Variants in GALNT13 observed in about 807,000 individuals in gnomAD.
GALNT13 encodes UDP-GalNAc:polypeptide N-acetylgalactosaminyltransferase 13.
GALNT13 carries 28 observed loss-of-function variants against 64.2 expected under a neutral mutation model. The observed-to-expected ratio is 0.44, with a 90% CI of 0.32 to 0.60. The LOEUF is 0.60. Ranked by LOEUF, GALNT13 falls within the 20% of genes least tolerant of loss-of-function variation. The pLI is 0.05. For synonymous variants in GALNT13, 214 were observed against 224.6 expected, an observed-to-expected ratio of 0.95 and a Z score of 0.42; for missense variants, 577 against 669.8, an observed-to-expected ratio of 0.86 and a Z score of 1.53.
intron 3 of GALNT13, among the ~76,000 whole-genome samples, chr2:154,056,905 G>A (rs1699921545): frequency 6.6e-6 from 1 of 151,708 alleles, no homozygotes; most frequent in African/African-American, 2.4e-5. Context: ...TTTAGGTTGA[G>A]TTTCTTTGAC....
At chr2:153,894,582 G>A (rs1687771033) in intron 1 of GALNT13, among the ~76,000 whole-genome samples, 2 of 151,988 alleles carry the variant, frequency 1.3e-5, no homozygotes, top group East Asian at 3.9e-4. Flanking sequence ...GGGGTGACAG[G>A]GAGGGAGGAA....
chr2:153,217,294 A>T, the GALNT13 span, among the ~76,000 whole-genome samples: 2 of 152,030 alleles, frequency 1.3e-5, no homozygotes, highest in Non-Finnish European at 2.9e-5. Context: ...TTGAATTTAC[A>T]TATGCATTTA....
chr2:153,249,580 GC>G, the GALNT13 span, among the ~76,000 whole-genome samples: 20 of 152,098 alleles, frequency 1.3e-4, no homozygotes, highest in African/African-American at 4.6e-4. Flanking sequence ...ACAATGTTAA[GC>G]AAAAAGAACA....
chr2:153,949,952 G>T (rs2105399453), intron 3 of GALNT13, among the ~76,000 whole-genome samples: 1 of 152,090 alleles, frequency 6.6e-6, no homozygotes, highest in African/African-American at 2.4e-5. Context: ...ATGTCATGAA[G>T]TTTGGATTTA....
chr2:154,216,920 C>T (rs1033884690), intron 4 of GALNT13, among the ~76,000 whole-genome samples: 16 of 144,190 alleles, frequency 1.1e-4, no homozygotes, highest in African/African-American at 4.1e-4. Flanking sequence ...TCCCAGGTAA[C>T]TAGGACTGGA....
chr2:153,883,695 G>A (rs1242714395), intron 1 of GALNT13, among the ~76,000 whole-genome samples: 1 of 151,910 alleles, frequency 6.6e-6, no homozygotes, highest in Admixed American at 6.6e-5. Context: ...GGGACAAAAA[G>A]GGGACATTAT....
At chr2:153,290,047 A>C in the GALNT13 span, among the ~76,000 whole-genome samples, 1 of 152,072 alleles carries the variant, frequency 6.6e-6, no homozygotes, top group Non-Finnish European at 1.5e-5. Flanking sequence ...TAGCAAATTG[A>C]TTTCTTTTTA....
chr2:154,140,189 G>A (rs991976912), intron 3 of GALNT13, 148 bp from the exon 4 acceptor site: 2 of 566,748 alleles, frequency 3.5e-6, no homozygotes, highest in Non-Finnish European at 6.1e-6. Flanking sequence ...AGAGTGTGTG[G>A]TTTATAATCA....
the GALNT13 span, among the ~76,000 whole-genome samples, chr2:153,405,511 A>G: frequency 6.6e-6 from 1 of 152,206 alleles, no homozygotes; most frequent in Non-Finnish European, 1.5e-5. Context: ...AGGTATCCTC[A>G]GTTGTTAGCT....
intron 3 of GALNT13, among the ~76,000 whole-genome samples, chr2:154,058,474 C>T (rs1700012230): frequency 6.6e-6 from 1 of 152,070 alleles, no homozygotes; most frequent in South Asian, 2.1e-4. Context: ...ACTTGTGGAA[C>T]ACAGGAAAAG....
intron 4 of GALNT13, among the ~76,000 whole-genome samples, chr2:154,215,980 G>GA (rs1386134109): frequency 6.6e-6 from 1 of 151,496 alleles, no homozygotes; most frequent in Non-Finnish European, 1.5e-5. Flanking sequence ...ATATTTATAT[G>GA]AAAAAAGATT....
intron 3 of GALNT13, among the ~76,000 whole-genome samples, chr2:153,978,581 G>T (rs565551892): frequency 2.2e-4 from 34 of 152,202 alleles, no homozygotes; most frequent in African/African-American, 8.2e-4. Context: ...TTTATCAGGG[G>T]TTTCTGCTTT....
intron 4 of GALNT13, among the ~76,000 whole-genome samples, chr2:154,179,907 C>T (rs535026982): frequency 6.6e-5 from 10 of 151,572 alleles, no homozygotes; most frequent in Non-Finnish European, 1.2e-4. Flanking sequence ...AGTGCATATC[C>T]AATCAGATAC....
At chr2:153,781,567 C>A in the GALNT13 span, among the ~76,000 whole-genome samples, 1 of 152,002 alleles carries the variant, frequency 6.6e-6, no homozygotes, top group Admixed American at 6.6e-5. Context: ...TCCATGGCAA[C>A]GAAAACTCTC....
In GALNT13 at chr2:154,242,147, A is replaced by G. The variant is rs1689523667; in HGVS notation, c.429A>G (p.Pro143=). ...RTVYSVINRS[P]HYLLSEVILV... is the part of the protein sequence containing the mutation. Reference sequence around the variant, plus strand: ...TTTACAGTGTGATAAATCGTTCCCCACACTATCTACTCTCAGAGGTCATCT... The same window carrying G: ...TTTACAGTGTGATAAATCGTTCCCCGCACTATCTACTCTCAGAGGTCATCT... The change falls in exon 5 of 13, where the codon CCA becomes CCG. Residue 143 remains proline (P), a synonymous_variant. Coordinates refer to ENST00000392825, the MANE Select transcript of GALNT13 (RefSeq NM_052917.4). The G allele has an allele frequency of 3.7e-6, 6 of 1,613,164 alleles. No homozygotes were observed. The highest frequency in any genetic ancestry group is 5.1e-6 in the Non-Finnish European group (6 of 1,179,634).
chr2:153,568,306 C>T, the GALNT13 span, among the ~76,000 whole-genome samples: 1 of 152,128 alleles, frequency 6.6e-6, no homozygotes, highest in Non-Finnish European at 1.5e-5. Flanking sequence ...CAGCCTGGAC[C>T]TGCTGGACTC....
At chr2:153,228,100 G>T in the GALNT13 span, among the ~76,000 whole-genome samples, 1 of 152,216 alleles carries the variant, frequency 6.6e-6, no homozygotes, top group Non-Finnish European at 1.5e-5. Context: ...AGTACTTGGA[G>T]TTGTAGAAGG....
the GALNT13 span, among the ~76,000 whole-genome samples, chr2:153,571,591 A>G: frequency 6.6e-6 from 1 of 151,998 alleles, no homozygotes; most frequent in East Asian, 1.9e-4. Context: ...GGTGTGCCAT[A>G]TATAGCTTTT....
At chr2:153,405,291 G>T in the GALNT13 span, among the ~76,000 whole-genome samples, 26 of 152,288 alleles carry the variant, frequency 1.7e-4, no homozygotes, top group East Asian at 4.6e-3. Context: ...AGGAATTGTG[G>T]TTCCCTATTC....
Sources: gnomAD v4.1 joint callset for allele counts (sites outside exome capture counted in the v4.1 genomes callset) on GRCh38, gnomAD v4.1.1 for gene constraint, MANE v1.5 for transcripts, NCBI Gene and HGNC (gene_info 2026-07-23, HGNC 2026-07-21) for gene names.